Variants in MED14 observed in about 807,000 individuals in gnomAD.
MED14 encodes the protein mediator of RNA polymerase II transcription subunit 14.
MED14 carries 8 observed loss-of-function variants against 109.0 expected under a neutral mutation model. The ratio of observed to expected loss-of-function variants is 0.07; its 90% CI spans 0.04 to 0.13. MED14 has a LOEUF of 0.13. MED14 is among the 10% of genes least tolerant of loss of function. The probability of loss-of-function intolerance (pLI) is 1.00; values close to 1 mark genes in which losing one functional copy is unlikely to be tolerated. For synonymous variants in MED14, 399 were observed against 408.7 expected, an observed-to-expected ratio of 0.98 and a Z score of 0.29; for missense variants, 711 against 1,142.4, an observed-to-expected ratio of 0.62 and a Z score of 5.44.
chrX:40,682,753 C>T lies in MED14; in HGVS notation c.2219-4G>A. 9 of 1,207,221 alleles carry T rather than the reference C, an allele frequency of 7.5e-6. No individual in the cohort carries two copies. The highest frequency in any genetic ancestry group is 9.0e-6 in the Non-Finnish European group (8 of 892,647). ...AGGTAAACGTGCCGGGATGGTCCTA[C>T]AGGATTAAAAGAGAATATTAATAGT... is the stretch of plus-strand genomic sequence containing the variant. On this transcript the variant is annotated splice_polypyrimidine_tract_variant and splice_region_variant and intron_variant, in intron 17 of 30. Transcript: ENST00000324817.
intron 13 of MED14, among the ~76,000 whole-genome samples, chrX:40,693,271 C>T (rs1165412787): frequency 9.0e-6 from 1 of 111,571 alleles, no homozygotes; most frequent in Non-Finnish European, 1.9e-5. Context: ...ATGTCCCCAC[C>T]CAAATCTCAT....
In MED14 at chrX:40,713,943, C is replaced by T. The variant is rs368956234; in HGVS notation, c.523-36G>A. 44 of 1,170,554 alleles carry T rather than the reference C, an allele frequency of 3.8e-5. No homozygotes were observed. The African/African-American group carries it at 7.2e-4, about 19-fold the overall frequency. Reference sequence around the variant, plus strand: ...ATTTAAGTGATTTTTAAATAATGTACAAACGGGGATTTTTTTTTTCAATCT... The same window carrying T: ...ATTTAAGTGATTTTTAAATAATGTATAAACGGGGATTTTTTTTTTCAATCT... On this transcript the variant is annotated intron_variant, in intron 4 of 30. Transcript: ENST00000324817.
In MED14 at chrX:40,710,143, T is replaced by C; in HGVS notation, c.1023-14A>G. ...AGAACCTGTTGACTAAAGAAAAAAA[T>C]GAAATGAAGAATTTTTTTCAACACA... On this transcript the variant is annotated splice_polypyrimidine_tract_variant and intron_variant, in intron 8 of 30. Transcript: ENST00000324817. 1.8e-6 allele frequency: 2 copies of C among 1,116,723 alleles called. No homozygotes were observed. Among genetic ancestry groups the C allele is most frequent in the East Asian group, 3.2e-5 (1 of 31,459 alleles). 92.0% of individuals were successfully genotyped at this position (1,116,723 alleles called of 1,213,427 possible). A position where few individuals can be genotyped will look rare whatever the true frequency, so the allele number is the denominator to read the frequency against.
chrX:40,676,671 T>C (rs1013721349), intron 21 of MED14, among the ~76,000 whole-genome samples: 1 of 111,780 alleles, frequency 8.9e-6, no homozygotes, highest in African/African-American at 3.3e-5. Context: ...AGGGACCGAT[T>C]GATTGGATTA....
intron 29 of MED14, 23 bp from the exon 30 acceptor site, chrX:40,654,579 A>G (rs745493850): frequency 8.5e-7 from 1 of 1,182,310 alleles, no homozygotes; most frequent in South Asian, 1.8e-5. Flanking sequence ...AACACACACA[A>G]AGAGAATAAA....
chrX:40,729,426 T>C lies in MED14; in HGVS notation c.216-81A>G, dbSNP rs1932007919. The stretch of plus-strand genomic sequence containing the variant: ...ATAATAGTCTTTACTTTGACTCTAT[T>C]AAATACGTTAATGTTTCAGAAAAAC... On this transcript the variant is annotated intron_variant, in intron 1 of 30. Coordinates refer to ENST00000324817, the MANE Select transcript of MED14 (RefSeq NM_004229.4). 5 of 949,927 alleles carry C rather than the reference T, an allele frequency of 5.3e-6. No individual in the cohort carries two copies. The South Asian group carries it at 9.2e-5, about 18-fold the overall frequency. The allele number at this position is 949,927 out of a possible 1,213,427, so 78.3% of individuals were successfully genotyped here. A position where few individuals can be genotyped will look rare whatever the true frequency, so the allele number is the denominator to read the frequency against.
At chrX:40,685,636 C>T (rs768384540) in intron 16 of MED14, among the ~76,000 whole-genome samples, 7 of 112,097 alleles carry the variant, frequency 6.2e-5, no homozygotes, top group Non-Finnish European at 1.1e-4. Context: ...AAACTAGGCA[C>T]CATGAGCATG....
intron 5 of MED14, 97 bp downstream of exon 5, chrX:40,713,681 G>A (rs1931412674): frequency 3.2e-6 from 3 of 949,562 alleles, no homozygotes; most frequent in Non-Finnish European, 4.4e-6. Flanking sequence ...GACCTCAAGT[G>A]ATCTGCCTGC....
In MED14 at chrX:40,692,190, C is replaced by T. The variant is rs1602469008; in HGVS notation, c.1973G>A (p.Arg658Gln). ...CTGTTCCAAAAAACTTACCTCCAACCGAAGTCCTACAAATGGCATATTTGT... is the reference window on the plus strand; with the variant it reads ...CTGTTCCAAAAAACTTACCTCCAACTGAAGTCCTACAAATGGCATATTTGT... Reference protein sequence around the residue: ...CDTNMPFVGLRLELSNLEIPH... With the variant: ...CDTNMPFVGLQLELSNLEIPH... The change falls in exon 15 of 31, where the codon CGG becomes CAG. Residue 658 changes from arginine to glutamine, a missense_variant. Around this residue, in one of 8 missense-constraint regions of MED14, gnomAD observed 388 missense variants for 517.3 expected, o/e 0.75. Transcript: ENST00000324817. 5.8e-6 allele frequency: 7 copies of T among 1,207,874 alleles called. No individual in the cohort carries two copies. Among genetic ancestry groups the T allele is most frequent in the East Asian group, 3.0e-5 (1 of 33,818 alleles).
intron 15 of MED14, among the ~76,000 whole-genome samples, 162 bp downstream of exon 15, chrX:40,692,021 T>A (rs1024573496): frequency 9.0e-6 from 1 of 111,366 alleles, no homozygotes; most frequent in African/African-American, 3.3e-5. Context: ...GTTTTACATG[T>A]ATACCATTAG....
At chrX:40,690,539 C>T (rs1028577904) in intron 15 of MED14, among the ~76,000 whole-genome samples, 1 of 111,124 alleles carries the variant, frequency 9.0e-6, no homozygotes, top group Admixed American at 9.6e-5. Context: ...CTCAGCCTCC[C>T]GAGTAGCTGG....
At chrX:40,678,704 G>A (rs1357382567) in intron 21 of MED14, among the ~76,000 whole-genome samples, 2 of 110,134 alleles carry the variant, frequency 1.8e-5, no homozygotes, top group African/African-American at 3.3e-5. Context: ...TACTGGGGAC[G>A]CTGAGGTGGG....
chrX:40,691,778 A>G (rs1930521113), intron 15 of MED14, among the ~76,000 whole-genome samples: 2 of 106,310 alleles, frequency 1.9e-5, no homozygotes, highest in African/African-American at 3.4e-5. Flanking sequence ...CACCCGGATA[A>G]TTTTTGTATT....
At chrX:40,654,101 C>T in intron 30 of MED14, 6 of 326,888 alleles carry the variant, frequency 1.8e-5, no homozygotes, top group Non-Finnish European at 3.2e-5. Flanking sequence ...ATACAAGCTT[C>T]TGGCATTAGC....
intron 3 of MED14, among the ~76,000 whole-genome samples, chrX:40,717,524 CATTTT>C (rs200579161): frequency 0.2 from 21,561 of 109,643 alleles, 1,695 homozygotes; most frequent in African/African-American, 0.29. Flanking sequence ...GTTGTTGTTT[CATTTT>C]GTTTTGTTTT....
At chrX:40,723,214 A>G (rs2146733265) in intron 3 of MED14, among the ~76,000 whole-genome samples, 1 of 112,379 alleles carries the variant, frequency 8.9e-6, no homozygotes, top group East Asian at 2.8e-4. Flanking sequence ...AAAGAGAAAC[A>G]AAAAAGTTAA....
At chrX:40,731,592 T>C (rs1420274279) in intron 1 of MED14, among the ~76,000 whole-genome samples, 4 of 112,485 alleles carry the variant, frequency 3.6e-5, no homozygotes, top group Non-Finnish European at 7.5e-5. Context: ...TTTTGAACAA[T>C]ATTTTTATTG....
In MED14 at chrX:40,706,129, C is replaced by T. The variant is rs73471375; in HGVS notation, c.1286-2560G>A. 6.4e-3 allele frequency among the ~76,000 whole-genome samples: 715 copies of T among 111,394 alleles called. 5 individuals are homozygous for T. The highest frequency in any genetic ancestry group is 0.022 in the African/African-American group (685 of 30,661). ...AAGCCAGCTGATTTAAGGGTGACTG[C>T]GCTAAGGGATTCTAAGAATAGACTA... On this transcript the variant is annotated intron_variant, in intron 10 of 30. Coordinates refer to ENST00000324817, the MANE Select transcript of MED14 (RefSeq NM_004229.4).
chrX:40,708,134 G>A (rs1459518756), intron 10 of MED14, among the ~76,000 whole-genome samples: 1 of 110,235 alleles, frequency 9.1e-6, no homozygotes, highest in Non-Finnish European at 1.9e-5. Flanking sequence ...AGGGCTAATG[G>A]ACAGGCACCC....
Sources: gnomAD v4.1 joint callset for allele counts (sites outside exome capture counted in the v4.1 genomes callset) on GRCh38, gnomAD v4.1.1 for gene constraint, gnomAD v4.1.1 regional missense constraint, MANE v1.5 for transcripts, NCBI Gene and HGNC (gene_info 2026-07-23, HGNC 2026-07-21) for gene names.